The following ABI3 variants were observed in gnomAD, a reference collection of about 807,000 sequenced individuals.
ABI3 encodes the protein ABI family member 3.
Under a neutral mutation model 37.0 loss-of-function variants are expected in ABI3, and 24 were observed. The ratio of observed to expected loss-of-function variants is 0.65; its 90% CI spans 0.47 to 0.91. The LOEUF (loss-of-function observed/expected upper bound fraction) is 0.91. Ranked by LOEUF, ABI3 falls within the 40% of genes least tolerant of loss-of-function variation. ABI3 has a pLI of 0.00. For missense variants in ABI3, 481 were observed against 485.1 expected, an observed-to-expected ratio of 0.99 and a Z score of 0.08; for synonymous variants, 220 against 211.8, an observed-to-expected ratio of 1.04 and a Z score of -0.34.
In ABI3 at chr17:49,222,122, T is replaced by G. The variant is rs2043297202; in HGVS notation, c.834T>G (p.Pro278=). ...AGCTGCCCCTGCCACTGGACCTGCC[T>G]CCTCCTCCACCCCTGGATGGAGATG... ...DEELPLPLDL[P]PPPPLDGDEL... The change falls in exon 7 of 8, where the codon CCT becomes CCG. Residue 278 remains proline (P), a synonymous_variant. Transcript: ENST00000225941. 1 of 1,611,942 alleles carries G rather than the reference T, an allele frequency of 6.2e-7. No homozygotes were observed. Among genetic ancestry groups the G allele is most frequent in the Non-Finnish European group, 8.5e-7 (1 of 1,179,080 alleles).
rs1483823066 is a variant in ABI3 at position 49,219,968 on chromosome 17, C to T, written c.644+15C>T. The stretch of plus-strand genomic sequence containing the variant: ...GCCTCGGCCGGGTGAGACCTACAAG[C>T]CCACGTGGGTGGGTGGGGGGTGGGA... On this transcript the variant is annotated intron_variant, in intron 5 of 7. Transcript: ENST00000225941. The surrounding 1 kb of genome is among the most constrained non-coding windows in gnomAD (Gnocchi z 4.3). 11 of 1,539,254 alleles carry T rather than the reference C, an allele frequency of 7.1e-6. No homozygotes were observed. In the South Asian group the frequency reaches 8.3e-5, roughly 12 times the overall value.
intron 3 of ABI3, among the ~76,000 whole-genome samples, chr17:49,218,170 G>A (rs1229388910): frequency 6.6e-6 from 1 of 152,232 alleles, no homozygotes; most frequent in Non-Finnish European, 1.5e-5. Context: ...CCCCCGCCCT[G>A]CCCCTGTGGG....
In ABI3 at chr17:49,216,516, CTGTG is replaced by C; in HGVS notation, c.118-11_118-8del. 1 of 1,551,026 alleles carries C rather than the reference CTGTG, an allele frequency of 6.4e-7. No individual in the cohort carries two copies. The highest frequency in any genetic ancestry group is 1.4e-5 in the African/African-American group (1 of 73,106). ...GAAGATGCTGGCCCTTAGGCCAGGGCTGTGTGTATTTCAGGCCACAGACAAGCGG... is the reference window on the plus strand; with the variant it reads ...GAAGATGCTGGCCCTTAGGCCAGGGCTGTATTTCAGGCCACAGACAAGCGG... On this transcript the variant is annotated splice_polypyrimidine_tract_variant and intron_variant, in intron 1 of 7. Coordinates refer to ENST00000225941, the MANE Select transcript of ABI3 (RefSeq NM_016428.3).
intron 1 of ABI3, among the ~76,000 whole-genome samples, chr17:49,211,846 G>A (rs1203386957): frequency 6.6e-6 from 1 of 152,062 alleles, no homozygotes; most frequent in Non-Finnish European, 1.5e-5. Flanking sequence ...GTTTCGCCAT[G>A]TTGGTAAGGC....
chr17:49,217,978 C>T, intron 3 of ABI3, 63 bp downstream of exon 3: 1 of 1,437,714 alleles, frequency 7.0e-7, no homozygotes. Flanking sequence ...GGCCCCTTTC[C>T]CTCCAGAACC....
intron 5 of ABI3, 71 bp downstream of exon 5, chr17:49,220,024 G>C: frequency 6.6e-7 from 1 of 1,526,230 alleles, no homozygotes; most frequent in Non-Finnish European, 8.8e-7. Flanking sequence ...ACCTGCCAGT[G>C]GTCATAGTGA....
Position 49,210,987 on chromosome 17 carries a change from A to T in ABI3, c.117+146A>T, listed in dbSNP as rs894052079. Reference sequence around the variant, plus strand: ...TCCTCCCATTCCAGGCTTCGGCTTCATCCCAGACCCCAATACTTAACCCTG... The same window carrying T: ...TCCTCCCATTCCAGGCTTCGGCTTCTTCCCAGACCCCAATACTTAACCCTG... On this transcript the variant is annotated intron_variant, in intron 1 of 7. Coordinates refer to ENST00000225941, the MANE Select transcript of ABI3 (RefSeq NM_016428.3). The surrounding 1 kb of genome is among the most constrained non-coding windows in gnomAD (Gnocchi z 4.2). 1 of 662,790 alleles carries T rather than the reference A, an allele frequency of 1.5e-6. No individual in the cohort carries two copies. The highest frequency in any genetic ancestry group is 2.6e-6 in the Non-Finnish European group (1 of 390,814). 41.1% of individuals were successfully genotyped at this position (662,790 alleles called of 1,614,324 possible).
intron 6 of ABI3, among the ~76,000 whole-genome samples, chr17:49,221,783 G>C (rs1164006046): frequency 1.3e-5 from 2 of 152,118 alleles, no homozygotes; most frequent in Non-Finnish European, 2.9e-5. Flanking sequence ...GTGTTGGCAA[G>C]ATCTCAGCTC....
chr17:49,214,055 G>T (rs923766762), intron 1 of ABI3, among the ~76,000 whole-genome samples: 3 of 152,230 alleles, frequency 2.0e-5, no homozygotes, highest in African/African-American at 7.2e-5. Flanking sequence ...TGTTGGAAAA[G>T]AAAGACAAGG....
intron 1 of ABI3, among the ~76,000 whole-genome samples, chr17:49,212,204 T>C (rs7219226): frequency 0.49 from 74,972 of 152,014 alleles, 18,870 homozygotes; most frequent in South Asian, 0.63. Flanking sequence ...TCTGCCCACC[T>C]TGGCCTCCCA....
At chr17:49,215,085 C>T (rs2043206516) in intron 1 of ABI3, among the ~76,000 whole-genome samples, 1 of 152,136 alleles carries the variant, frequency 6.6e-6, no homozygotes, top group South Asian at 2.1e-4. Flanking sequence ...GCAGTGAAGG[C>T]GTGGGCTGGG....
intron 1 of ABI3, among the ~76,000 whole-genome samples, 187 bp downstream of exon 1, chr17:49,211,028 A>G (rs1223253905): frequency 6.6e-6 from 1 of 151,978 alleles, no homozygotes; most frequent in Non-Finnish European, 1.5e-5. Flanking sequence ...ATACTACCCA[A>G]GCCCCCACTG....
chr17:49,210,856 C>A lies in ABI3; in HGVS notation c.117+15C>A. 1.9e-6 allele frequency: 3 copies of A among 1,539,476 alleles called. No individual in the cohort carries two copies. The highest frequency in any genetic ancestry group is 1.2e-5 in the South Asian group (1 of 83,866). ...ACTATGTGCAGGTAGGTAGAGCGGG[C>A]GGAAGCCTGACACCCCAGCCCCCGG... On this transcript the variant is annotated intron_variant, in intron 1 of 7. Transcript: ENST00000225941. The surrounding 1 kb of genome is among the most constrained non-coding windows in gnomAD (Gnocchi z 4.2).
intron 1 of ABI3, among the ~76,000 whole-genome samples, chr17:49,213,356 C>T (rs2043188522): frequency 1.3e-5 from 2 of 152,200 alleles, no homozygotes; most frequent in African/African-American, 4.8e-5. Context: ...CTAGAACACA[C>T]AACTTGTTAC....
At chr17:49,222,433 G>T (rs1396119305) in intron 7 of ABI3, 119 bp from the exon 8 acceptor site, 10 of 1,405,178 alleles carry the variant, frequency 7.1e-6, no homozygotes, top group African/African-American at 5.7e-5. Context: ...TTGCAAGAAG[G>T]CCCCCAAGAT....
At position 49,219,807 on chromosome 17, in the gene ABI3, G is replaced by A; in HGVS notation, c.549-51G>A. Reference sequence around the variant, plus strand: ...TCCTGCTCGCACCCGACCCCTGCTGGCCAGAAGCCTTCCTCCTTCCTCCTA... The same window carrying A: ...TCCTGCTCGCACCCGACCCCTGCTGACCAGAAGCCTTCCTCCTTCCTCCTA... On this transcript the variant is annotated intron_variant, in intron 4 of 7. Transcript: ENST00000225941. The surrounding 1 kb of genome is among the most constrained non-coding windows in gnomAD (Gnocchi z 4.3). 12 of 1,519,718 alleles carry A rather than the reference G, an allele frequency of 7.9e-6. No individual in the cohort carries two copies. The highest frequency in any genetic ancestry group is 1.1e-5 in the Non-Finnish European group (12 of 1,130,212). The allele number at this position is 1,519,718 out of a possible 1,614,324, so 94.1% of individuals were successfully genotyped here. A position where few individuals can be genotyped will look rare whatever the true frequency, so the allele number is the denominator to read the frequency against.
Position 49,219,494 on chromosome 17 carries a change from A to G in ABI3, c.463-46A>G, listed in dbSNP as rs1406197237. The stretch of plus-strand genomic sequence containing the variant: ...TCCTCTTGGGGATGAGGGTGGAGGG[A>G]GGCCCCTCACCCCAAATGTAAGCCC... On this transcript the variant is annotated intron_variant, in intron 3 of 7. Coordinates refer to ENST00000225941, the MANE Select transcript of ABI3 (RefSeq NM_016428.3). This position sits in a 1 kb window ranked among gnomAD's most constrained non-coding sequence, Gnocchi z 4.3. The G allele has an allele frequency of 2.0e-5, 30 of 1,478,946 alleles. No individual in the cohort carries two copies. The highest frequency in any genetic ancestry group is 2.8e-5 in the Non-Finnish European group (30 of 1,083,198). The allele number at this position is 1,478,946 out of a possible 1,614,324, so 91.6% of individuals were successfully genotyped here.
chr17:49,222,036 C>G, intron 6 of ABI3, 55 bp from the exon 7 acceptor site: 1 of 1,515,164 alleles, frequency 6.6e-7, no homozygotes, highest in Non-Finnish European at 8.8e-7. Context: ...AGTTCCCTGA[C>G]ACACTGAAGG....
intron 5 of ABI3, 88 bp from the exon 6 acceptor site, chr17:49,220,081 G>A: frequency 6.3e-7 from 1 of 1,590,406 alleles, no homozygotes; most frequent in Admixed American, 1.7e-5. Context: ...ACACGTGCAG[G>A]GCTGGGGTCA....
Sources: allele counts gnomAD v4.1 joint callset (sites outside exome capture counted in the v4.1 genomes callset), GRCh38; gene constraint gnomAD v4.1.1; non-coding constraint Gnocchi (gnomAD v3.1); transcripts MANE v1.5; gene names NCBI Gene and HGNC (gene_info 2026-07-23, HGNC 2026-07-21).